Variants in ASB9 observed in about 807,000 individuals in gnomAD.
ASB9 encodes the protein ankyrin repeat and SOCS box containing 9.
In ASB9, 5 loss-of-function variants were observed where a neutral mutation model predicts 16.6. The ratio of observed to expected loss-of-function variants is 0.30; its 90% CI spans 0.16 to 0.63. The LOEUF (loss-of-function observed/expected upper bound fraction) is 0.63, where lower values mean the gene tolerates loss of function less well. Among genes scored for constraint, ASB9 ranks in the 30% least tolerant of loss-of-function variants. ASB9 has a pLI of 0.82. For synonymous variants in ASB9, 100 were observed against 86.4 expected, an observed-to-expected ratio of 1.16 and a Z score of -0.87; for missense variants, 216 against 229.4, an observed-to-expected ratio of 0.94 and a Z score of 0.38.
At chrX:15,260,647 C>T (rs1302000936) in intron 1 of ASB9, among the ~76,000 whole-genome samples, 1 of 111,897 alleles carries the variant, frequency 8.9e-6, no homozygotes, top group Admixed American at 9.5e-5. Context: ...GCCAAACACA[C>T]TACATACAAA....
At chrX:15,250,209 C>CAT (rs113177680) in intron 5 of ASB9, among the ~76,000 whole-genome samples, 23,874 of 103,656 alleles carry the variant, frequency 0.23, 3,933 homozygotes, top group African/African-American at 0.52. Context: ...TCATCATCAT[C>CAT]CTCCTCCTCC....
At chrX:15,267,079 A>G (rs955296310) in intron 1 of ASB9, among the ~76,000 whole-genome samples, 1 of 113,867 alleles carries the variant, frequency 8.8e-6, no homozygotes, top group African/African-American at 3.2e-5. Context: ...TCTTTCCCAT[A>G]ATGATTGGTT....
intron 4 of ASB9, among the ~76,000 whole-genome samples, chrX:15,251,413 C>T (rs1360895571): frequency 2.7e-5 from 3 of 112,576 alleles, no homozygotes; most frequent in East Asian, 5.6e-4. Flanking sequence ...CTGAATCACA[C>T]TTCCTTGGTC....
chrX:15,251,003 G>A (rs1444071916), intron 4 of ASB9, among the ~76,000 whole-genome samples: 1 of 112,556 alleles, frequency 8.9e-6, no homozygotes, highest in Non-Finnish European at 1.9e-5. Context: ...TTACAGGCGT[G>A]AGACCAGGCC....
At chrX:15,245,770 T>C (rs1382138261) in intron 6 of ASB9, among the ~76,000 whole-genome samples, 1 of 112,040 alleles carries the variant, frequency 8.9e-6, no homozygotes, top group Non-Finnish European at 1.9e-5. Flanking sequence ...TCCAAAAGGA[T>C]ACTGTGGTCT....
intron 1 of ASB9, among the ~76,000 whole-genome samples, chrX:15,267,540 T>G (rs778755131): frequency 1.1e-4 from 5 of 46,804 alleles, no homozygotes; most frequent in East Asian, 6.4e-4. Context: ...GTCAGGAGAT[T>G]GAGACCATCC....
chrX:15,251,760 A>T (rs1302280844), intron 4 of ASB9, among the ~76,000 whole-genome samples: 1 of 112,810 alleles, frequency 8.9e-6, no homozygotes, highest in Non-Finnish European at 1.9e-5. Flanking sequence ...TACTTTCAAA[A>T]ATTGAAAGCT....
At chrX:15,265,611 TACG>T (rs1293289053) in intron 1 of ASB9, among the ~76,000 whole-genome samples, 2 of 104,725 alleles carry the variant, frequency 1.9e-5, no homozygotes, top group Non-Finnish European at 3.9e-5. Flanking sequence ...ACCCCAGGCC[TACG>T]ACTTCATCAA....
At chrX:15,260,117 C>T (rs980614714) in intron 1 of ASB9, among the ~76,000 whole-genome samples, 16 of 112,057 alleles carry the variant, frequency 1.4e-4, no homozygotes, top group African/African-American at 5.2e-4. Context: ...AGCAAATTTA[C>T]ACCAGGCGTG....
chrX:15,264,117 A>G (rs1232948046), intron 1 of ASB9, among the ~76,000 whole-genome samples: 2 of 111,693 alleles, frequency 1.8e-5, no homozygotes, highest in Admixed American at 9.5e-5. Context: ...CTCTATCCAA[A>G]GGCTCTAGGG....
chrX:15,270,109 C>T (rs1035429149), upstream of ASB9: 2 of 281,958 alleles, frequency 7.1e-6, no homozygotes, highest in Non-Finnish European at 1.2e-5. Flanking sequence ...CACACACACA[C>T]ACGTTTTACC....
At chrX:15,253,140 A>G (rs1173850758) in intron 3 of ASB9, among the ~76,000 whole-genome samples, 1 of 111,330 alleles carries the variant, frequency 9.0e-6, no homozygotes, top group Non-Finnish European at 1.9e-5. Context: ...AGGCTGAGGC[A>G]GGAGAATTAC....
At chrX:15,266,599 G>C (rs1926411576) in intron 1 of ASB9, among the ~76,000 whole-genome samples, 1 of 111,515 alleles carries the variant, frequency 9.0e-6, no homozygotes, top group Admixed American at 9.5e-5. Context: ...TATAACACCT[G>C]CCCACTCCCA....
chrX:15,260,088 C>G (rs1925855216), intron 1 of ASB9, among the ~76,000 whole-genome samples: 1 of 112,078 alleles, frequency 8.9e-6, no homozygotes, highest in Admixed American at 9.5e-5. Flanking sequence ...TATACCTCAT[C>G]ATCATTGCTA....
chrX:15,260,217 G>T (rs1169897965), intron 1 of ASB9, among the ~76,000 whole-genome samples: 2 of 111,847 alleles, frequency 1.8e-5, no homozygotes, highest in East Asian at 5.6e-4. Flanking sequence ...TTGCAACATG[G>T]TGAAACACCA....
chrX:15,248,667 A>G, intron 6 of ASB9, 77 bp downstream of exon 6: 1 of 1,135,270 alleles, frequency 8.8e-7, no homozygotes, highest in Non-Finnish European at 1.2e-6. Flanking sequence ...GGAGCCAGAA[A>G]TTGCCAAATA....
chrX:15,259,406 T>G (rs774439901), intron 1 of ASB9, among the ~76,000 whole-genome samples: 1 of 112,762 alleles, frequency 8.9e-6, no homozygotes, highest in Non-Finnish European at 1.9e-5. Flanking sequence ...CATACACCAT[T>G]AGGTTTGGAA....
chrX:15,264,054 T>C (rs1041931595), intron 1 of ASB9, among the ~76,000 whole-genome samples: 8 of 111,961 alleles, frequency 7.1e-5, no homozygotes, highest in Non-Finnish European at 1.3e-4. Flanking sequence ...CGCCGAGTCC[T>C]AGAGGCTAGC....
At chrX:15,267,417 A>AAAAATAT (rs780282231) in intron 1 of ASB9, among the ~76,000 whole-genome samples, 2 of 78,028 alleles carry the variant, frequency 2.6e-5, no homozygotes, top group African/African-American at 1.0e-4. Flanking sequence ...CTAAAAAAAA[A>AAAAATAT]ATATATATAT....
Sources: allele counts gnomAD v4.1 joint callset (sites outside exome capture counted in the v4.1 genomes callset), GRCh38; gene constraint gnomAD v4.1.1; transcripts MANE v1.5; gene names NCBI Gene and HGNC (gene_info 2026-07-23, HGNC 2026-07-21).